The following LAMC1 variants were observed in gnomAD, a reference collection of about 807,000 sequenced individuals.
The protein encoded by LAMC1 is laminin subunit gamma 1.
LAMC1 carries 38 observed loss-of-function variants against 173.6 expected under a neutral mutation model. The ratio of observed to expected loss-of-function variants is 0.22; its 90% CI spans 0.17 to 0.29. The LOEUF is 0.29. LAMC1 is among the 10% of genes least tolerant of loss of function. The pLI, the probability that LAMC1 is intolerant of heterozygous loss-of-function variation, is 1.00. For missense variants in LAMC1, 1,824 were observed against 2,051.8 expected (o/e 0.89, Z 2.14); for synonymous variants, 746 against 749.1 (o/e 1.00, Z 0.07).
At chr1:183,089,970 A>C (rs998680942) in intron 1 of LAMC1, among the ~76,000 whole-genome samples, 3 of 152,186 alleles carry the variant, frequency 2.0e-5, no homozygotes, top group African/African-American at 7.2e-5. Flanking sequence ...ACAACCAGTC[A>C]AAAGGGGCCC....
intron 26 of LAMC1, among the ~76,000 whole-genome samples, chr1:183,139,894 G>A (rs1657057109): frequency 6.6e-6 from 1 of 152,110 alleles, no homozygotes; most frequent in Non-Finnish European, 1.5e-5. Flanking sequence ...GTCATTGCAT[G>A]TGGAGGGGGA....
At chr1:183,120,302 A>T (rs1247874325) in intron 11 of LAMC1, among the ~76,000 whole-genome samples, 1 of 152,200 alleles carries the variant, frequency 6.6e-6, no homozygotes, top group Non-Finnish European at 1.5e-5. Flanking sequence ...TAAGGAAAAG[A>T]CATGGACTAT....
At chr1:183,045,499 A>G (rs74129639) in intron 1 of LAMC1, among the ~76,000 whole-genome samples, 3,218 of 152,194 alleles carry the variant, frequency 0.021, 112 homozygotes, top group African/African-American at 0.074. Flanking sequence ...AAAGTTCAGT[A>G]TATTTTTGAA....
In LAMC1 at chr1:183,142,837, G is replaced by T. The variant is rs746088066; in HGVS notation, c.*47G>T. On this transcript the variant is annotated 3_prime_UTR_variant, in exon 28 of 28. Coordinates refer to ENST00000258341, the MANE Select transcript of LAMC1 (RefSeq NM_002293.4). ...GCATCCCTCTGACAGGGGGGCAGTT[G>T]TGAGGCCACAGAGTGCCTTGACACA... The T allele has an allele frequency of 6.4e-7, 1 of 1,557,678 alleles. No individual in the cohort carries two copies. Among genetic ancestry groups the T allele is most frequent in the Non-Finnish European group, 8.7e-7 (1 of 1,153,014 alleles).
At chr1:183,124,964 T>G in intron 14 of LAMC1, 88 bp downstream of exon 14, 1 of 1,489,058 alleles carries the variant, frequency 6.7e-7, no homozygotes, top group African/African-American at 1.4e-5. Context: ...TGTATAGTTG[T>G]TTAGTCCAAT....
At position 183,134,968 on chromosome 1, in the gene LAMC1, A is replaced by C. The variant is rs1207554964; in HGVS notation, c.4000-74A>C. ...GCAAGTCTCAGGGTGGCACCTCTGG[A>C]GAGCCTTGTCTGTCCAGGAGACAGA... On this transcript the variant is annotated intron_variant, in intron 23 of 27. Transcript: ENST00000258341. 4 of 1,401,140 alleles carry C rather than the reference A, an allele frequency of 2.9e-6. No individual in the cohort carries two copies. In the East Asian group the frequency reaches 9.1e-5, roughly 32 times the overall value. 86.8% of individuals were successfully genotyped at this position (1,401,140 alleles called of 1,614,324 possible). A position where few individuals can be genotyped will look rare whatever the true frequency, so the allele number is the denominator to read the frequency against.
chr1:183,126,050 TAAA>T (rs55856623), intron 15 of LAMC1, 67 bp from the exon 16 acceptor site: 66,990 of 1,258,694 alleles, frequency 0.053, 23 homozygotes, highest in South Asian at 0.091. Context: ...AGTGCTATAC[TAAA>T]AAAAAAAAAA....
intron 1 of LAMC1, among the ~76,000 whole-genome samples, chr1:183,098,972 G>C (rs1655763056): frequency 6.6e-6 from 1 of 152,194 alleles, no homozygotes; most frequent in South Asian, 2.1e-4. Flanking sequence ...GTCTTTCCTT[G>C]GCCCTGTAAC....
rs1244319794 is a variant in LAMC1, at chr1:183,023,550, C to A, written c.-167C>A. The A allele has an allele frequency of 2.9e-6, 1 of 348,898 alleles. No individual in the cohort carries two copies. Among genetic ancestry groups the A allele is most frequent in the Middle Eastern group, 9.6e-4 (1 of 1,040 alleles). 21.6% of individuals were successfully genotyped at this position (348,898 alleles called of 1,614,324 possible). A position where few individuals can be genotyped will look rare whatever the true frequency, so the allele number is the denominator to read the frequency against. On this transcript the variant is annotated 5_prime_UTR_variant, in exon 1 of 28. Transcript: ENST00000258341. ...AGCAGCGCGGTCCTCGCTAGGGGCG[C>A]CCACCCGTCAGTCTCTCCGGCGCGA...
At chr1:183,043,653 T>C (rs1163536233) in intron 1 of LAMC1, among the ~76,000 whole-genome samples, 4 of 152,152 alleles carry the variant, frequency 2.6e-5, no homozygotes. Context: ...CATAAATGTT[T>C]AAAAGAAGAA....
intron 19 of LAMC1, 115 bp downstream of exon 19, chr1:183,130,664 A>G (rs1656759854): frequency 3.9e-6 from 3 of 764,432 alleles, no homozygotes; most frequent in Non-Finnish European, 6.5e-6. Context: ...GCATCTTTTT[A>G]TTTGTCCCTA....
intron 1 of LAMC1, among the ~76,000 whole-genome samples, chr1:183,054,199 G>A (rs144848026): frequency 1.2e-3 from 186 of 152,276 alleles, no homozygotes; most frequent in East Asian, 1.5e-3. Flanking sequence ...TAACTACTAT[G>A]TGCTATGCAT....
chr1:183,044,276 C>G (rs1210752958), intron 1 of LAMC1, among the ~76,000 whole-genome samples: 2 of 152,072 alleles, frequency 1.3e-5, no homozygotes, highest in Non-Finnish European at 1.5e-5. Context: ...GTCCTAGTTT[C>G]TTTTGGAAGA....
At chr1:183,045,589 G>A (rs1654246912) in intron 1 of LAMC1, among the ~76,000 whole-genome samples, 2 of 151,956 alleles carry the variant, frequency 1.3e-5, no homozygotes, top group South Asian at 4.1e-4. Flanking sequence ...TCCTGCTGAT[G>A]GATTTTTTGT....
At chr1:183,057,473 A>G (rs1393765360) in intron 1 of LAMC1, among the ~76,000 whole-genome samples, 3 of 152,220 alleles carry the variant, frequency 2.0e-5, no homozygotes, top group Non-Finnish European at 4.4e-5. Context: ...TAAAAGTTTG[A>G]CAGCTGGCCG....
chr1:183,058,749 A>G (rs371233074), intron 1 of LAMC1, among the ~76,000 whole-genome samples: 14 of 152,204 alleles, frequency 9.2e-5, no homozygotes, highest in African/African-American at 3.4e-4. Context: ...TACCTTCCCA[A>G]AAACATCCAG....
intron 11 of LAMC1, among the ~76,000 whole-genome samples, chr1:183,120,922 C>T (rs3768621): frequency 0.52 from 78,776 of 151,924 alleles, 21,112 homozygotes; most frequent in South Asian, 0.65. Context: ...TTCTGTCTTA[C>T]CCTTGAACTC....
chr1:183,033,745 G>T (rs1653903497), intron 1 of LAMC1, among the ~76,000 whole-genome samples: 1 of 152,096 alleles, frequency 6.6e-6, no homozygotes, highest in Non-Finnish European at 1.5e-5. Flanking sequence ...AGGCTAGAGT[G>T]CAGTGGCGTG....
intron 1 of LAMC1, among the ~76,000 whole-genome samples, chr1:183,098,339 C>T (rs370913373): frequency 1.3e-5 from 2 of 152,188 alleles, no homozygotes; most frequent in East Asian, 1.9e-4. Flanking sequence ...ACACATACCT[C>T]GCACTTTGAC....
Sources: allele counts gnomAD v4.1 joint callset (sites outside exome capture counted in the v4.1 genomes callset), GRCh38; gene constraint gnomAD v4.1.1; transcripts MANE v1.5; gene names NCBI Gene and HGNC (gene_info 2026-07-23, HGNC 2026-07-21).